Variants in PDE5A observed in about 807,000 individuals in gnomAD.
PDE5A encodes the protein phosphodiesterase 5A.
A neutral mutation model predicts 110.2 loss-of-function variants in PDE5A; 67 were observed. The ratio of observed to expected loss-of-function variants is 0.61; its 90% CI spans 0.50 to 0.75. The LOEUF (loss-of-function observed/expected upper bound fraction) is 0.75, where lower values mean the gene tolerates loss of function less well. Among genes scored for constraint, PDE5A ranks in the 30% least tolerant of loss-of-function variants. PDE5A has a pLI of 0.00. For synonymous variants in PDE5A, 328 were observed against 351.2 expected, an observed-to-expected ratio of 0.93 and a Z score of 0.74; for missense variants, 862 against 1,045.1, an observed-to-expected ratio of 0.82 and a Z score of 2.42.
At chr4:119,603,718 TA>T (rs901245085) in intron 2 of PDE5A, among the ~76,000 whole-genome samples, 1 of 152,056 alleles carries the variant, frequency 6.6e-6, no homozygotes, top group African/African-American at 2.4e-5. Context: ...TATGAGACTT[TA>T]AAAAAAATTC....
Position 119,495,357 on chromosome 4 carries a change from A to G in PDE5A, c.*3244T>C, listed in dbSNP as rs1725024453. On this transcript the variant is annotated 3_prime_UTR_variant, in exon 21 of 21. Coordinates refer to ENST00000354960, the MANE Select transcript of PDE5A (RefSeq NM_001083.4). ...TGTATTTCTGATACAAAACAATTAA[A>G]TTGTGCCACCTTATTTTGACTACAG... The G allele has an allele frequency of 6.6e-6, 1 of 152,182 alleles. No individual in the cohort carries two copies. The highest frequency in any genetic ancestry group is 1.5e-5 in the Non-Finnish European group (1 of 68,038). The allele number at this position is 152,182 out of a possible 1,614,324, so 9.4% of individuals were successfully genotyped here. A position where few individuals can be genotyped will look rare whatever the true frequency, so the allele number is the denominator to read the frequency against.
At chr4:119,610,666 C>T (rs1729710736) in intron 1 of PDE5A, among the ~76,000 whole-genome samples, 1 of 152,190 alleles carries the variant, frequency 6.6e-6, no homozygotes, top group Admixed American at 6.5e-5. Flanking sequence ...ATCACCTCCA[C>T]AGTTACTCAA....
intron 3 of PDE5A, among the ~76,000 whole-genome samples, chr4:119,582,299 A>G (rs1388534277): frequency 1.3e-5 from 2 of 152,226 alleles, no homozygotes; most frequent in East Asian, 1.9e-4. Context: ...TTGCTCATCT[A>G]TAAGAAGCAA....
At chr4:119,513,001 A>T (rs142781505) in intron 14 of PDE5A, 1 of 151,992 alleles carries the variant, frequency 6.6e-6, no homozygotes, top group African/African-American at 2.4e-5. Flanking sequence ...TTAGTTTATT[A>T]TATTTAATTT....
At chr4:119,499,091 GT>G (rs1236424070) in intron 20 of PDE5A, among the ~76,000 whole-genome samples, 1 of 152,146 alleles carries the variant, frequency 6.6e-6, no homozygotes, top group East Asian at 1.9e-4. Flanking sequence ...GAACTGCTTA[GT>G]TTTTGCGTTT....
intron 3 of PDE5A, among the ~76,000 whole-genome samples, chr4:119,573,254 G>T (rs1216569385): frequency 6.6e-6 from 1 of 152,112 alleles, no homozygotes; most frequent in African/African-American, 2.4e-5. Flanking sequence ...AACTTCTCTG[G>T]CTAAATCTTC....
chr4:119,515,732 T>C (rs1405878658), intron 14 of PDE5A, among the ~76,000 whole-genome samples: 1 of 152,146 alleles, frequency 6.6e-6, no homozygotes, highest in Non-Finnish European at 1.5e-5. Context: ...TTAAAAAATT[T>C]TTTTCTCCTT....
At chr4:119,547,631 T>A (rs910509980) in intron 9 of PDE5A, among the ~76,000 whole-genome samples, 1 of 152,090 alleles carries the variant, frequency 6.6e-6, no homozygotes, top group Non-Finnish European at 1.5e-5. Flanking sequence ...AGTTTTTATG[T>A]TATGTTAATA....
chr4:119,588,359 G>A (rs533009534), intron 3 of PDE5A, among the ~76,000 whole-genome samples: 3 of 151,582 alleles, frequency 2.0e-5, no homozygotes, highest in African/African-American at 7.3e-5. Flanking sequence ...TGTATTTTTC[G>A]TAGAGACAGG....
intron 8 of PDE5A, among the ~76,000 whole-genome samples, chr4:119,553,089 C>G (rs1052420268): frequency 1.3e-5 from 2 of 151,974 alleles, no homozygotes; most frequent in African/African-American, 4.8e-5. Flanking sequence ...CCAAATAACA[C>G]CCAAATAACA....
intron 7 of PDE5A, among the ~76,000 whole-genome samples, chr4:119,554,694 G>A (rs1434724241): frequency 1.3e-5 from 2 of 151,878 alleles, no homozygotes; most frequent in African/African-American, 4.8e-5. Context: ...ACAAGTCCAC[G>A]TCTTTGGATA....
At chr4:119,553,491 T>G in intron 8 of PDE5A, 147 bp downstream of exon 8, 1 of 636,670 alleles carries the variant, frequency 1.6e-6, no homozygotes. Flanking sequence ...ATGATCTATT[T>G]TATTCTCCTT....
At chr4:119,501,019 CAT>C (rs1435295191) in intron 20 of PDE5A, 149 bp downstream of exon 20, 6 of 595,170 alleles carry the variant, frequency 1.0e-5, no homozygotes, top group Middle Eastern at 4.5e-4. Context: ...TCAATACAAA[CAT>C]GTTCATCAGT....
At chr4:119,539,481 G>A (rs1274718075) in intron 10 of PDE5A, among the ~76,000 whole-genome samples, 1 of 151,948 alleles carries the variant, frequency 6.6e-6, no homozygotes, top group Non-Finnish European at 1.5e-5. Context: ...TCTCAGATGA[G>A]GCCTGTAACC....
At chr4:119,504,715 T>A in intron 17 of PDE5A, 116 bp from the exon 18 acceptor site, 1 of 640,226 alleles carries the variant, frequency 1.6e-6, no homozygotes, top group Non-Finnish European at 2.6e-6. Context: ...GAAATGGCAG[T>A]TTATAAAGAC....
chr4:119,570,396 CT>C (rs1728099150), intron 3 of PDE5A, among the ~76,000 whole-genome samples: 1 of 152,202 alleles, frequency 6.6e-6, no homozygotes, highest in Non-Finnish European at 1.5e-5. Flanking sequence ...TGTCCATTCA[CT>C]TTTGCCTACC....
chr4:119,510,935 A>G lies in PDE5A; in HGVS notation c.2088+112T>C, dbSNP rs150961260. ...CTTCGCCTTCCTTACCCAAAAAGGA[A>G]TAAAGTATGTGCAAGAATTTATGAT... is the stretch of plus-strand genomic sequence containing the variant. On this transcript the variant is annotated intron_variant, in intron 15 of 20. Transcript: ENST00000354960. 69 of 720,834 alleles carry G rather than the reference A, an allele frequency of 9.6e-5. No homozygotes were observed. In the African/African-American group the frequency reaches 1.1e-3, roughly 11 times the overall value. 44.7% of individuals were successfully genotyped at this position (720,834 alleles called of 1,614,324 possible).
Position 119,592,327 on chromosome 4 carries a change from G to A in PDE5A, c.831+4196C>T, listed in dbSNP as rs527460833. ...AAAGAAATTAGCCGGGCGTGGTGGC[G>A]GGCGCCTGTAGTTCCAGGTACTCAG... On this transcript the variant is annotated intron_variant, in intron 3 of 20. Coordinates refer to ENST00000354960, the MANE Select transcript of PDE5A (RefSeq NM_001083.4). Among the ~76,000 whole-genome samples, 4 of 143,004 alleles carry A rather than the reference G, an allele frequency of 2.8e-5. No homozygotes were observed. In the East Asian group the frequency reaches 6.5e-4, roughly 23 times the overall value. The allele number at this position is 143,004 out of a possible 152,430, so 93.8% of individuals were successfully genotyped here. A position where few individuals can be genotyped will look rare whatever the true frequency, so the allele number is the denominator to read the frequency against.
At chr4:119,502,857 A>T (rs1355551316) in intron 18 of PDE5A, among the ~76,000 whole-genome samples, 2 of 152,260 alleles carry the variant, frequency 1.3e-5, no homozygotes, top group East Asian at 3.9e-4. Flanking sequence ...ACTTAGGTAC[A>T]TCTCTCTGTC....
Sources: gnomAD v4.1 joint callset for allele counts (sites outside exome capture counted in the v4.1 genomes callset) on GRCh38, gnomAD v4.1.1 for gene constraint, MANE v1.5 for transcripts, NCBI Gene and HGNC (gene_info 2026-07-23, HGNC 2026-07-21) for gene names.